Variants in NDST4 observed in about 807,000 individuals in gnomAD.
NDST4 encodes the protein N-heparan sulfate sulfotransferase 4.
A neutral mutation model predicts 100.8 loss-of-function variants in NDST4; 63 were observed. The ratio of observed to expected loss-of-function variants is 0.62; its 90% CI spans 0.51 to 0.77. The LOEUF (loss-of-function observed/expected upper bound fraction) is 0.77. Among genes scored for constraint, NDST4 ranks in the 30% least tolerant of loss-of-function variants. The pLI is 0.00. For missense variants in NDST4, 943 were observed against 1,018.4 expected (o/e 0.93, Z 1.01); for synonymous variants, 377 against 361.8 (o/e 1.04, Z -0.48).
chr4:115,000,467 C>A (rs1287638006), intron 2 of NDST4, among the ~76,000 whole-genome samples: 1 of 151,852 alleles, frequency 6.6e-6, no homozygotes, highest in African/African-American at 2.4e-5. Context: ...TGTCTTCAGA[C>A]CCTTTCAATG....
intron 7 of NDST4, among the ~76,000 whole-genome samples, chr4:114,868,297 A>C (rs1419973417): frequency 6.6e-6 from 1 of 152,104 alleles, no homozygotes; most frequent in Non-Finnish European, 1.5e-5. Context: ...GCCATAAAAA[A>C]CCTACCAAGT....
At chr4:115,046,548 T>C (rs1728467148) in intron 2 of NDST4, among the ~76,000 whole-genome samples, 1 of 152,128 alleles carries the variant, frequency 6.6e-6, no homozygotes. Context: ...ATTATACTGA[T>C]TTCAGGGTAG....
chr4:114,952,459 A>C (rs1451921661), intron 4 of NDST4, among the ~76,000 whole-genome samples: 1 of 152,116 alleles, frequency 6.6e-6, no homozygotes, highest in Non-Finnish European at 1.5e-5. Flanking sequence ...TTTTCTGTCT[A>C]AGGAAAATTC....
At chr4:115,009,118 T>C (rs1727485547) in intron 2 of NDST4, among the ~76,000 whole-genome samples, 1 of 125,876 alleles carries the variant, frequency 7.9e-6, no homozygotes, top group Non-Finnish European at 1.7e-5. Context: ...CCCAAGGTAA[T>C]TTATAGATTC....
intron 2 of NDST4, among the ~76,000 whole-genome samples, chr4:115,067,841 C>T (rs1485411712): frequency 6.6e-6 from 1 of 151,116 alleles, no homozygotes; most frequent in African/African-American, 2.4e-5. Context: ...TGTGCTGCAC[C>T]CATTAACTCA....
chr4:114,971,516 T>A (rs1353370728), intron 3 of NDST4, among the ~76,000 whole-genome samples: 3 of 152,154 alleles, frequency 2.0e-5, no homozygotes, highest in Non-Finnish European at 4.4e-5. Flanking sequence ...ACAGCTGAAT[T>A]TACAAATGTT....
intron 2 of NDST4, among the ~76,000 whole-genome samples, chr4:115,038,545 C>T (rs150553571): frequency 0.024 from 3,706 of 152,152 alleles, 62 homozygotes; most frequent in Middle Eastern, 0.065. Flanking sequence ...ATTTAAAAGC[C>T]CTGAGGTACC....
intron 6 of NDST4, among the ~76,000 whole-genome samples, chr4:114,895,627 C>T (rs1289754422): frequency 7.2e-6 from 1 of 139,440 alleles, no homozygotes; most frequent in African/African-American, 3.2e-5. Flanking sequence ...TCCTCCTTAA[C>T]TCATTTTAGA....
At chr4:114,901,078 G>T (rs1224685569) in intron 6 of NDST4, among the ~76,000 whole-genome samples, 2 of 151,120 alleles carry the variant, frequency 1.3e-5, no homozygotes, top group East Asian at 3.9e-4. Context: ...GACCTATCTT[G>T]GTTACTGTTC....
At chr4:114,937,137 G>C (rs1046498743) in intron 5 of NDST4, among the ~76,000 whole-genome samples, 181 bp downstream of exon 5, 1 of 152,162 alleles carries the variant, frequency 6.6e-6, no homozygotes, top group African/African-American at 2.4e-5. Flanking sequence ...CACAGCTTAG[G>C]AGCAAGCCTA....
intron 2 of NDST4, among the ~76,000 whole-genome samples, chr4:114,989,024 C>T (rs1726978134): frequency 6.8e-6 from 1 of 146,488 alleles, no homozygotes; most frequent in Non-Finnish European, 1.5e-5. Context: ...GTTTCAAAAA[C>T]AAAAACTCCT....
chr4:114,852,052 A>T (rs79447623), intron 8 of NDST4, among the ~76,000 whole-genome samples: 3,020 of 152,264 alleles, frequency 0.02, 129 homozygotes, highest in South Asian at 0.17. Flanking sequence ...AAGTGTATAA[A>T]ACTGTCACAT....
chr4:115,001,769 C>T (rs1484453979), intron 2 of NDST4, among the ~76,000 whole-genome samples: 1 of 152,062 alleles, frequency 6.6e-6, no homozygotes, highest in Non-Finnish European at 1.5e-5. Flanking sequence ...TAAATGATGC[C>T]TTGTTTTCAA....
intron 2 of NDST4, 85 bp from the exon 3 acceptor site, chr4:114,977,359 G>A (rs2126244219): frequency 1.3e-6 from 1 of 792,178 alleles, no homozygotes; most frequent in Middle Eastern, 2.7e-4. Flanking sequence ...GTATGCATGA[G>A]TAAAACAAAA....
At chr4:114,910,240 A>G (rs1030434121) in intron 6 of NDST4, among the ~76,000 whole-genome samples, 17 of 152,350 alleles carry the variant, frequency 1.1e-4, no homozygotes, top group Middle Eastern at 6.8e-3. Flanking sequence ...AAGGTATTCA[A>G]TGAGGCATAA....
At chr4:114,865,009 A>T (rs879866938) in intron 7 of NDST4, among the ~76,000 whole-genome samples, 1 of 152,090 alleles carries the variant, frequency 6.6e-6, no homozygotes, top group Non-Finnish European at 1.5e-5. Flanking sequence ...AGGTAGTCTC[A>T]TAGTAAAACT....
intron 1 of NDST4, among the ~76,000 whole-genome samples, chr4:115,101,285 A>G (rs547296509): frequency 1.1e-4 from 16 of 152,266 alleles, no homozygotes; most frequent in African/African-American, 3.8e-4. Context: ...GGAGAAAATG[A>G]GTAAATTATA....
intron 2 of NDST4, among the ~76,000 whole-genome samples, chr4:115,070,011 G>A (rs1729041200): frequency 6.6e-6 from 1 of 152,152 alleles, no homozygotes; most frequent in African/African-American, 2.4e-5. Flanking sequence ...AAGACAGTGT[G>A]GCAATCCCTC....
intron 2 of NDST4, among the ~76,000 whole-genome samples, chr4:115,069,968 TGGTTGG>T (rs1462531532): frequency 1.3e-5 from 2 of 152,138 alleles, no homozygotes; most frequent in Non-Finnish European, 2.9e-5. Context: ...TATATACTAT[TGGTTGG>T]AATGTAAATT....
Sources: allele counts gnomAD v4.1 joint callset (sites outside exome capture counted in the v4.1 genomes callset), GRCh38; gene constraint gnomAD v4.1.1; transcripts MANE v1.5; gene names NCBI Gene and HGNC (gene_info 2026-07-23, HGNC 2026-07-21).